Variants in MARCKS observed in about 807,000 individuals in gnomAD.
MARCKS encodes the protein myristoylated alanine rich protein kinase C substrate, also known as myristoylated alanine-rich C-kinase substrate.
Under a neutral mutation model 6.3 loss-of-function variants are expected in MARCKS, and 4 were observed. The observed-to-expected ratio is 0.63, with a 90% confidence interval of 0.31 to 1.45. MARCKS has a LOEUF of 1.45. Among genes scored for constraint, MARCKS ranks in the 40% most tolerant of loss-of-function variants. The pLI is 0.07. For missense variants in MARCKS, 636 were observed against 485.7 expected, an observed-to-expected ratio of 1.31 and a Z score of -2.91; for synonymous variants, 289 against 236.5, an observed-to-expected ratio of 1.22 and a Z score of -2.04.
Position 113,860,165 on chromosome 6 carries a change from G to A in MARCKS, c.585G>A (p.Glu195=), listed in dbSNP as rs780249753. Residue 195 remains glutamate, a synonymous_variant, in exon 2 of 2, where the codon GAG becomes GAA. Transcript: ENST00000612661. ...CCGCTGCCGAAGGCGGCAAGGACGAGGCCGCCGGGGGCGCAGCTGCGGCCG... is the reference window on the plus strand; with the variant it reads ...CCGCTGCCGAAGGCGGCAAGGACGAAGCCGCCGGGGGCGCAGCTGCGGCCG... ...EAPAAEGGKD[E]AAGGAAAAAA... is the part of the protein sequence containing the mutation. The A allele has an allele frequency of 5.0e-5, 67 of 1,336,084 alleles. No individual in the cohort carries two copies. In the South Asian group the frequency reaches 1.1e-3, roughly 21 times the overall value. 82.8% of individuals were successfully genotyped at this position (1,336,084 alleles called of 1,614,324 possible). A position where few individuals can be genotyped will look rare whatever the true frequency, so the allele number is the denominator to read the frequency against.
In MARCKS at chr6:113,859,760, C is replaced by A; in HGVS notation, c.180C>A (p.Ala60=). ...CGGGCGCCAAGGAGGAGCTGCAGGC[C>A]AACGGCAGCGCCCCGGCCGCCGACA... is the stretch of plus-strand genomic sequence containing the variant. ...AESGAKEELQ[A]NGSAPAADKE... The change falls in exon 2 of 2, where the codon GCC becomes GCA. Residue 60 remains alanine (A), a synonymous_variant. Transcript: ENST00000612661. 1 of 1,479,280 alleles carries A rather than the reference C, an allele frequency of 6.8e-7. No homozygotes were observed. The highest frequency in any genetic ancestry group is 9.0e-7 in the Non-Finnish European group (1 of 1,116,038). The allele number at this position is 1,479,280 out of a possible 1,614,324, so 91.6% of individuals were successfully genotyped here. A position where few individuals can be genotyped will look rare whatever the true frequency, so the allele number is the denominator to read the frequency against.
At chr6:113,858,375 A>C (rs1774821071) in intron 1 of MARCKS, among the ~76,000 whole-genome samples, 1 of 151,772 alleles carries the variant, frequency 6.6e-6, no homozygotes, top group Non-Finnish European at 1.5e-5. Context: ...GGGTTCTTGG[A>C]AAGGTGGCTG....
In MARCKS at chr6:113,859,809, A is replaced by C. The variant is rs940209600; in HGVS notation, c.229A>C (p.Ser77Arg). Residue 77 changes from serine to arginine, a missense_variant, in exon 2 of 2, where the codon AGC becomes CGC. Ser to Arg is a moderately radical substitution (Grantham distance 110). Coordinates refer to ENST00000612661, the MANE Select transcript of MARCKS (RefSeq NM_002356.7). ...ADKEEPAAAG[S>R]GAASPSAAEK... Reference sequence around the variant, plus strand: ...CAAGGAGGAGCCCGCGGCCGCCGGGAGCGGGGCGGCGTCGCCCTCCGCGGC... The same window carrying C: ...CAAGGAGGAGCCCGCGGCCGCCGGGCGCGGGGCGGCGTCGCCCTCCGCGGC... 7.4e-7 allele frequency: 1 copy of C among 1,350,360 alleles called. No individual in the cohort carries two copies. The highest frequency in any genetic ancestry group is 1.6e-5 in the African/African-American group (1 of 63,606). The allele number at this position is 1,350,360 out of a possible 1,614,324, so 83.6% of individuals were successfully genotyped here.
intron 1 of MARCKS, among the ~76,000 whole-genome samples, chr6:113,858,164 A>G (rs1040007246): frequency 6.6e-6 from 1 of 151,772 alleles, no homozygotes; most frequent in Non-Finnish European, 1.5e-5. Flanking sequence ...GCCAGGTTTC[A>G]TTTGTGTTTG....
At chr6:113,859,330 AC>A (rs905328073) in intron 1 of MARCKS, among the ~76,000 whole-genome samples, 12 of 152,186 alleles carry the variant, frequency 7.9e-5, no homozygotes, top group Admixed American at 3.3e-4. Context: ...AGTCCCTGGC[AC>A]CTTTTTTCCC....
chr6:113,860,275 G>A lies in MARCKS; in HGVS notation c.695G>A (p.Gly232Asp). ...GCGGGCGAGGAGGGGGCGGCGGGTG[G>A]CGACCCGCAGGAGGCCAAGCCCCAG... ...AAAGEEGAAGGDPQEAKPQEA... is the reference protein window; with the variant it reads ...AAAGEEGAAGDDPQEAKPQEA... Residue 232 changes from glycine to aspartate, a missense_variant, in exon 2 of 2, where the codon GGC becomes GAC. By Grantham distance (94) the Gly-to-Asp change is moderately conservative. Coordinates refer to ENST00000612661, the MANE Select transcript of MARCKS (RefSeq NM_002356.7). 1.7e-6 allele frequency: 2 copies of A among 1,199,764 alleles called. No homozygotes were observed. Among genetic ancestry groups the A allele is most frequent in the East Asian group, 6.5e-5 (1 of 15,396 alleles). 74.3% of individuals were successfully genotyped at this position (1,199,764 alleles called of 1,614,324 possible). A position where few individuals can be genotyped will look rare whatever the true frequency, so the allele number is the denominator to read the frequency against.
intron 1 of MARCKS, 57 bp from the exon 2 acceptor site, chr6:113,859,626 C>G: frequency 2.1e-6 from 3 of 1,395,844 alleles, no homozygotes; most frequent in Non-Finnish European, 2.8e-6. Flanking sequence ...GGGCTGGGGG[C>G]GGGAATGGCG....
At chr6:113,858,600 C>T (rs571317171) in intron 1 of MARCKS, among the ~76,000 whole-genome samples, 2 of 152,336 alleles carry the variant, frequency 1.3e-5, no homozygotes, top group East Asian at 1.9e-4. Context: ...GTGCGTGGCG[C>T]CTCGACCACC....
At position 113,863,165 on chromosome 6, in the gene MARCKS, G is replaced by A. The variant is rs1423893090; in HGVS notation, c.*2586G>A. 6.6e-6 allele frequency: 1 copy of A among 152,174 alleles called. No homozygotes were observed. Among genetic ancestry groups the A allele is most frequent in the Non-Finnish European group, 1.5e-5 (1 of 68,012 alleles). The allele number at this position is 152,174 out of a possible 1,614,324, so 9.4% of individuals were successfully genotyped here. Reference sequence around the variant, plus strand: ...TGCCTAAAACACTTTGGGTGGTATTGATGGAGTTGGTGGATTTTCCTCCAA... The same window carrying A: ...TGCCTAAAACACTTTGGGTGGTATTAATGGAGTTGGTGGATTTTCCTCCAA... On this transcript the variant is annotated 3_prime_UTR_variant, in exon 2 of 2. Coordinates refer to ENST00000612661, the MANE Select transcript of MARCKS (RefSeq NM_002356.7).
At chr6:113,859,585 C>T (rs1265929560) in intron 1 of MARCKS, 98 bp from the exon 2 acceptor site, 1 of 1,105,830 alleles carries the variant, frequency 9.0e-7, no homozygotes. Flanking sequence ...GCCACAGGGG[C>T]CTTAGGGGGA....
Position 113,860,589 on chromosome 6 carries a change from CT to C in MARCKS, c.*14del. 1 of 1,537,240 alleles carries C rather than the reference CT, an allele frequency of 6.5e-7. No homozygotes were observed. Among genetic ancestry groups the C allele is most frequent in the Non-Finnish European group, 8.7e-7 (1 of 1,146,932 alleles). On this transcript the variant is annotated 3_prime_UTR_variant, in exon 2 of 2. Transcript: ENST00000612661. ...GGAGGCGGCAGAGTAAAAGAGCAAGCTTTTGTGAGATAATCGAAGAACTTTT... is the reference window on the plus strand; with the variant it reads ...GGAGGCGGCAGAGTAAAAGAGCAAGCTTTGTGAGATAATCGAAGAACTTTT...
At chr6:113,857,917 G>C (rs1335941698) in intron 1 of MARCKS, 70 bp downstream of exon 1, 1 of 1,285,642 alleles carries the variant, frequency 7.8e-7, no homozygotes, top group Non-Finnish European at 1.1e-6. Context: ...TGGCTCCCAA[G>C]GCTCATTCGT....
In MARCKS at chr6:113,862,838, A is replaced by G. The variant is rs528567145; in HGVS notation, c.*2259A>G. On this transcript the variant is annotated 3_prime_UTR_variant, in exon 2 of 2. Coordinates refer to ENST00000612661, the MANE Select transcript of MARCKS (RefSeq NM_002356.7). The stretch of plus-strand genomic sequence containing the variant: ...ACTAATAAAATCAAATAACACTTAG[A>G]AGGGTATGTATTTTTAGTTAGGGTT... The G allele has an allele frequency of 1.3e-5, 2 of 152,280 alleles. No homozygotes were observed. The highest frequency in any genetic ancestry group is 3.9e-4 in the East Asian group (2 of 5,182). The allele number at this position is 152,280 out of a possible 1,614,324, so 9.4% of individuals were successfully genotyped here. A position where few individuals can be genotyped will look rare whatever the true frequency, so the allele number is the denominator to read the frequency against.
At chr6:113,859,641 C>T in intron 1 of MARCKS, 42 bp from the exon 2 acceptor site, 2 of 1,440,040 alleles carry the variant, frequency 1.4e-6, no homozygotes, top group Non-Finnish European at 1.8e-6. Flanking sequence ...ATGGCGGCGC[C>T]CCGGCCGCTT....
rs1458996782 is a variant in MARCKS, at chr6:113,861,599, T to C, written c.*1020T>C. The C allele has an allele frequency of 1.4e-5, 2 of 141,074 alleles. No individual in the cohort carries two copies. The highest frequency in any genetic ancestry group is 2.6e-5 in the African/African-American group (1 of 38,614). 8.7% of individuals were successfully genotyped at this position (141,074 alleles called of 1,614,324 possible). ...TTTCTTTTCCAGTCGTCTTTGAGAATAAAGGAAAAAAAATCTTCAGATGCA... is the reference window on the plus strand; with the variant it reads ...TTTCTTTTCCAGTCGTCTTTGAGAACAAAGGAAAAAAAATCTTCAGATGCA... On this transcript the variant is annotated 3_prime_UTR_variant, in exon 2 of 2. Coordinates refer to ENST00000612661, the MANE Select transcript of MARCKS (RefSeq NM_002356.7).
chr6:113,860,509 G>A lies in MARCKS; in HGVS notation c.929G>A (p.Cys310Tyr), dbSNP rs1582440880. The change falls in exon 2 of 2, where the codon TGC (cysteine) becomes TAC (tyrosine). Residue 310 changes from cysteine to tyrosine, a missense_variant. Physicochemically the swap from Cys to Tyr is radical, Grantham distance 194. Coordinates refer to ENST00000612661, the MANE Select transcript of MARCKS (RefSeq NM_002356.7). Reference protein sequence around the residue: ...EPAAAAASSACAAPSQEAQPE... With the variant: ...EPAAAAASSAYAAPSQEAQPE... The stretch of plus-strand genomic sequence containing the variant: ...GCGGCCGCCGCAGCCTCGTCAGCCT[G>A]CGCAGCCCCCTCACAGGAGGCCCAG... 3 of 1,544,274 alleles carry A rather than the reference G, an allele frequency of 1.9e-6. No individual in the cohort carries two copies. Among genetic ancestry groups the A allele is most frequent in the African/African-American group, 2.9e-5 (2 of 69,774 alleles).
At chr6:113,859,328 G>T (rs1774838376) in intron 1 of MARCKS, among the ~76,000 whole-genome samples, 1 of 152,248 alleles carries the variant, frequency 6.6e-6, no homozygotes, top group African/African-American at 2.4e-5. Context: ...CTAGTCCCTG[G>T]CACCTTTTTT....
At position 113,860,345 on chromosome 6, in the gene MARCKS, CA is replaced by C; in HGVS notation, c.767del (p.Lys256ArgfsTer113). 2 of 1,310,542 alleles carry C rather than the reference CA, an allele frequency of 1.5e-6. No individual in the cohort carries two copies. Among genetic ancestry groups the C allele is most frequent in the Admixed American group, 2.8e-5 (1 of 35,958 alleles). The allele number at this position is 1,310,542 out of a possible 1,614,324, so 81.2% of individuals were successfully genotyped here. A position where few individuals can be genotyped will look rare whatever the true frequency, so the allele number is the denominator to read the frequency against. On this transcript the variant is annotated frameshift_variant, in exon 2 of 2. Coordinates refer to ENST00000612661, the MANE Select transcript of MARCKS (RefSeq NM_002356.7). LOFTEE classifies it low-confidence loss of function (END_TRUNC). ...AGAAGCCGCCCGCCAGCGACGAGAC[CA>C]AGGCCGCCGAGGAGCCCAGCAAGGT... ...PEKPPASDETKAAEEPSKVEE... is the reference protein window; with the variant it reads ...PEKPPASDETXAAEEPSKVEE...
At position 113,861,948 on chromosome 6, in the gene MARCKS, G is replaced by A. The variant is rs989285845; in HGVS notation, c.*1369G>A. 1 of 150,838 alleles carries A rather than the reference G, an allele frequency of 6.6e-6. No individual in the cohort carries two copies. Among genetic ancestry groups the A allele is most frequent in the South Asian group, 2.1e-4 (1 of 4,706 alleles). The allele number at this position is 150,838 out of a possible 1,614,324, so 9.3% of individuals were successfully genotyped here. A position where few individuals can be genotyped will look rare whatever the true frequency, so the allele number is the denominator to read the frequency against. ...TTTCAAGCTCTGAAATTCATAATCC[G>A]CAGTGTCAGATTACGTAGAGGAAGA... On this transcript the variant is annotated 3_prime_UTR_variant, in exon 2 of 2. Transcript: ENST00000612661.
Sources: gnomAD v4.1 joint callset for allele counts (sites outside exome capture counted in the v4.1 genomes callset) on GRCh38, gnomAD v4.1.1 for gene constraint, MANE v1.5 for transcripts, NCBI Gene and HGNC (gene_info 2026-07-23, HGNC 2026-07-21) for gene names.